Variants in COPG2 observed in about 807,000 individuals in gnomAD.
The protein encoded by COPG2 is coatomer subunit gamma-2.
COPG2 carries 37 observed loss-of-function variants against 46.3 expected under a neutral mutation model. That is an observed-to-expected ratio of 0.80 (90% CI 0.61 to 1.05). COPG2 has a LOEUF of 1.05. Among genes scored for constraint, COPG2 ranks in the 50% least tolerant of loss-of-function variants. The pLI is 0.00. For synonymous variants in COPG2, 159 were observed against 129.7 expected (o/e 1.23, Z -1.53); for missense variants, 427 against 387.8 (o/e 1.10, Z -0.85).
intron 9 of COPG2, among the ~76,000 whole-genome samples, chr7:130,585,331 G>T (rs1371835561): frequency 6.6e-6 from 1 of 151,984 alleles, no homozygotes; most frequent in African/African-American, 2.4e-5. Context: ...AAGGATTAAG[G>T]ACTAAAATCT....
At chr7:130,610,912 CG>C (rs782152709) in intron 9 of COPG2, 40 bp downstream of exon 9, 3 of 1,607,138 alleles carry the variant, frequency 1.9e-6, no homozygotes, top group Non-Finnish European at 2.6e-6. Context: ...ATATTAACTT[CG>C]CAAATGGAAA....
intron 22 of COPG2, 56 bp from the exon 23 acceptor site, chr7:130,507,428 C>T: frequency 1.3e-6 from 1 of 777,080 alleles, no homozygotes; most frequent in Non-Finnish European, 2.4e-6. Context: ...AGGGATCTCC[C>T]TCTGCACCAG....
intron 9 of COPG2, among the ~76,000 whole-genome samples, chr7:130,582,440 A>G (rs1584982882): frequency 6.6e-6 from 1 of 151,650 alleles, no homozygotes. Flanking sequence ...GGCATGGGCA[A>G]GGATTTCATG....
At chr7:130,583,805 CAAAAAAAAAAAAAAAA>C (rs1168370976) in intron 9 of COPG2, among the ~76,000 whole-genome samples, 6 of 12,322 alleles carry the variant, frequency 4.9e-4, no homozygotes, top group Non-Finnish European at 7.0e-4. Context: ...GACTCCATCT[CAAAAAAAAAAAAAAAA>C]AAAAAAAAAA....
At chr7:130,633,511 T>C (rs1289171774) in intron 5 of COPG2, among the ~76,000 whole-genome samples, 4 of 152,188 alleles carry the variant, frequency 2.6e-5, no homozygotes, top group Admixed American at 2.6e-4. Flanking sequence ...ATGAGCTTTA[T>C]TTCATAATCT....
At chr7:130,525,523 T>C (rs1404533892) in intron 20 of COPG2, among the ~76,000 whole-genome samples, 1 of 152,026 alleles carries the variant, frequency 6.6e-6, no homozygotes, top group Non-Finnish European at 1.5e-5. Context: ...ATTGTGTGGG[T>C]AGAAAGATGC....
chr7:130,619,134 AGT>A (rs549710570), intron 5 of COPG2, among the ~76,000 whole-genome samples: 5 of 152,170 alleles, frequency 3.3e-5, no homozygotes, highest in Non-Finnish European at 7.4e-5. Flanking sequence ...CCTATAAGGC[AGT>A]GTTATCCAAC....
chr7:130,659,068 T>C (rs1795915934), intron 4 of COPG2, among the ~76,000 whole-genome samples: 1 of 151,974 alleles, frequency 6.6e-6, no homozygotes, highest in Admixed American at 6.6e-5. Flanking sequence ...CATGAAAATA[T>C]GCTTAGGCCG....
At chr7:130,533,638 A>G in intron 20 of COPG2, among the ~76,000 whole-genome samples, 1 of 152,280 alleles carries the variant, frequency 6.6e-6, no homozygotes, top group East Asian at 1.9e-4. Flanking sequence ...ATCAGACAGT[A>G]GATGAATGAA....
intron 5 of COPG2, 77 bp from the exon 6 acceptor site, chr7:130,617,142 T>G: frequency 1.3e-6 from 1 of 787,674 alleles, no homozygotes; most frequent in Non-Finnish European, 2.1e-6. Context: ...CAATTTCCAA[T>G]TGTCCCATAA....
At chr7:130,523,496 G>A (rs1286401631) in intron 20 of COPG2, among the ~76,000 whole-genome samples, 5 of 152,326 alleles carry the variant, frequency 3.3e-5, no homozygotes, top group African/African-American at 9.6e-5. Context: ...CGTGGAGTGC[G>A]AGGGGAAGAC....
intron 7 of COPG2, 41 bp downstream of exon 7, chr7:130,613,503 T>C (rs782501745): frequency 5.7e-5 from 72 of 1,260,386 alleles, no homozygotes; most frequent in Non-Finnish European, 8.1e-5. Context: ...AACTCAAAAC[T>C]GTACCATGCT....
intron 5 of COPG2, among the ~76,000 whole-genome samples, chr7:130,634,069 G>A (rs113458753): frequency 1.5e-3 from 223 of 152,120 alleles, no homozygotes; most frequent in African/African-American, 4.7e-3. Context: ...GTTCTTTTCC[G>A]TTGGTCTATG....
At chr7:130,538,252 G>T (rs1200343126) in intron 20 of COPG2, among the ~76,000 whole-genome samples, 1 of 152,118 alleles carries the variant, frequency 6.6e-6, no homozygotes, top group Non-Finnish European at 1.5e-5. Flanking sequence ...TGTGAACCTT[G>T]TGTGGAAAAA....
chr7:130,653,242 G>T (rs1795783749), intron 4 of COPG2, among the ~76,000 whole-genome samples: 1 of 152,100 alleles, frequency 6.6e-6, no homozygotes, highest in African/African-American at 2.4e-5. Context: ...AAAGACAAAG[G>T]TTTTTTGTTT....
rs782292882 is a variant in COPG2, at chr7:130,668,708, C to T, written c.-40G>A. On this transcript the variant is annotated 5_prime_UTR_variant, in exon 1 of 24. Coordinates refer to ENST00000425248, the MANE Select transcript of COPG2 (RefSeq NM_012133.6). ...CAGCGCCCAGACCCACCGCAACCGT[C>T]CCAGGCGCCGCAGCCGGCGAGCGGA... 1.3e-6 allele frequency: 2 copies of T among 1,513,846 alleles called. No individual in the cohort carries two copies. Among genetic ancestry groups the T allele is most frequent in the South Asian group, 2.5e-5 (2 of 79,652 alleles). 93.8% of individuals were successfully genotyped at this position (1,513,846 alleles called of 1,614,324 possible).
rs956566167 is a variant in COPG2 at position 130,556,624 on chromosome 7, G to T, written c.1129-1492C>A. ...CAGACTAAAATCATTTATAAATACC[G>T]ATGTAAAAATTCTAAGAAATATATT... On this transcript the variant is annotated intron_variant, in intron 12 of 23. Coordinates refer to ENST00000425248, the MANE Select transcript of COPG2 (RefSeq NM_012133.6). Among the ~76,000 whole-genome samples the T allele has an allele frequency of 9.9e-5, 15 of 152,028 alleles. No individual in the cohort carries two copies. The East Asian group carries it at 1.5e-3, about 16-fold the overall frequency.
intron 9 of COPG2, chr7:130,607,720 C>T (rs1554451474): frequency 1.9e-6 from 1 of 520,002 alleles, no homozygotes; most frequent in Admixed American, 1.9e-5. Flanking sequence ...TCCAGGTTTT[C>T]CACTCTAAGT....
intron 5 of COPG2, among the ~76,000 whole-genome samples, chr7:130,622,116 G>C (rs1387374317): frequency 6.6e-6 from 1 of 152,096 alleles, no homozygotes; most frequent in African/African-American, 2.4e-5. Flanking sequence ...ACGGTGAAGT[G>C]AATGACAGGG....
Sources: allele counts gnomAD v4.1 joint callset (sites outside exome capture counted in the v4.1 genomes callset), GRCh38; gene constraint gnomAD v4.1.1; transcripts MANE v1.5; gene names NCBI Gene and HGNC (gene_info 2026-07-23, HGNC 2026-07-21).